CEP63: variants seen among roughly 807,000 people sequenced by gnomAD.
CEP63 encodes the protein centrosomal protein of 63 kDa.
CEP63 carries 84 observed loss-of-function variants against 89.1 expected under a neutral mutation model. That is an observed-to-expected ratio of 0.94 (90% CI 0.79 to 1.13). CEP63 has a LOEUF of 1.13. Among genes scored for constraint, CEP63 ranks in the 50% most tolerant of loss-of-function variants. The pLI, the probability that CEP63 is intolerant of heterozygous loss-of-function variation, is 0.00. For synonymous variants in CEP63, 267 were observed against 272.5 expected (o/e 0.98, Z 0.20); for missense variants, 838 against 813.3 (o/e 1.03, Z -0.37).
chr3:134,660,825 G>A, the CEP63 span, among the ~76,000 whole-genome samples: 4 of 152,176 alleles, frequency 2.6e-5, no homozygotes, highest in African/African-American at 9.7e-5. Flanking sequence ...GTCTCCACTA[G>A]TACAGTCCAT....
chr3:134,564,948 C>G lies in CEP63; in HGVS notation c.*3413C>G. The G allele has an allele frequency of 1.0e-6, 1 of 981,778 alleles. No individual in the cohort carries two copies. The highest frequency in any genetic ancestry group is 1.2e-6 in the Non-Finnish European group (1 of 826,638). 60.8% of individuals were successfully genotyped at this position (981,778 alleles called of 1,614,324 possible). On this transcript the variant is annotated 3_prime_UTR_variant, in exon 15 of 15. Coordinates refer to ENST00000675561, the MANE Select transcript of CEP63 (RefSeq NM_001353108.3). ...TAGTTAATGGGTTGTCCAAATTTGT[C>G]AGAACATTTGACTGTAATTTAATGT...
At chr3:134,660,351 A>C in the CEP63 span, among the ~76,000 whole-genome samples, 2 of 152,214 alleles carry the variant, frequency 1.3e-5, no homozygotes, top group Non-Finnish European at 2.9e-5. Flanking sequence ...GGTTCCTAAT[A>C]TGATATGCAA....
the CEP63 span, among the ~76,000 whole-genome samples, chr3:134,697,495 A>C: frequency 1.3e-5 from 2 of 152,296 alleles, no homozygotes; most frequent in East Asian, 3.9e-4. Context: ...ATCCCACTTT[A>C]GAAAGAGGTA....
At chr3:134,631,331 C>A in the CEP63 span, among the ~76,000 whole-genome samples, 1 of 152,036 alleles carries the variant, frequency 6.6e-6, no homozygotes, top group Non-Finnish European at 1.5e-5. Flanking sequence ...CAGTGAAAAG[C>A]GATGTAAAGC....
chr3:134,689,442 T>TTTTTTATTATTATTATTATTA, the CEP63 span, among the ~76,000 whole-genome samples: 1 of 96,432 alleles, frequency 1.0e-5, no homozygotes. Flanking sequence ...AAGGACCTTA[T>TTTTTTATTATTATTATTATTA]TTATTATTAT....
At chr3:134,662,643 G>A in the CEP63 span, among the ~76,000 whole-genome samples, 1 of 152,224 alleles carries the variant, frequency 6.6e-6, no homozygotes, top group African/African-American at 2.4e-5. Flanking sequence ...AAAACACAAA[G>A]AACAGGGCTA....
exon 12 of CEP63, chr3:134,574,847 A>G: frequency 1.6e-6 from 1 of 628,302 alleles, no homozygotes; most frequent in Non-Finnish European, 2.9e-6. Context: ...GATTCAAGCA[A>G]TCCGCCAGCC....
chr3:134,548,899 G>GT (rs1367177077), intron 9 of CEP63, among the ~76,000 whole-genome samples, 163 bp from the exon 10 acceptor site: 3 of 152,200 alleles, frequency 2.0e-5, no homozygotes, highest in South Asian at 4.1e-4. Flanking sequence ...TTTTATCACA[G>GT]TTTTTTTATT....
chr3:134,537,305 T>C (rs1950960225), intron 6 of CEP63, 37 bp downstream of exon 6: 1 of 1,371,276 alleles, frequency 7.3e-7, no homozygotes, highest in Non-Finnish European at 1.0e-6. Context: ...GAGAAGCAGA[T>C]AGGTTTTGAT....
At chr3:134,772,289 C>T in the CEP63 span, among the ~76,000 whole-genome samples, 2 of 152,122 alleles carry the variant, frequency 1.3e-5, no homozygotes, top group Non-Finnish European at 1.5e-5. Context: ...CTGTGCAGGG[C>T]TGGATTCTCT....
chr3:134,731,715 T>C, the CEP63 span, among the ~76,000 whole-genome samples: 1 of 152,174 alleles, frequency 6.6e-6, no homozygotes. Context: ...CCGAAAACTT[T>C]AAGTTAAAAA....
chr3:134,653,477 G>T, the CEP63 span, among the ~76,000 whole-genome samples: 10 of 152,134 alleles, frequency 6.6e-5, no homozygotes, highest in African/African-American at 2.4e-4. Context: ...CAGTCCAACA[G>T]CCTAGCTTCT....
chr3:134,493,260 A>G (rs982809337), intron 1 of CEP63, among the ~76,000 whole-genome samples: 13 of 151,948 alleles, frequency 8.6e-5, no homozygotes, highest in Non-Finnish European at 1.9e-4. Context: ...AACCTTAGAG[A>G]ATATTGTTCA....
chr3:134,687,290 G>T, the CEP63 span, among the ~76,000 whole-genome samples: 6 of 152,164 alleles, frequency 3.9e-5, no homozygotes, highest in Non-Finnish European at 7.3e-5. Flanking sequence ...TTTCTCAAAG[G>T]TTACTACTAC....
chr3:134,574,983 AT>A, exon 12 of CEP63: 1 of 406,064 alleles, frequency 2.5e-6, no homozygotes. Context: ...TACTGTTGGA[AT>A]TTTCAAATAA....
chr3:134,770,183 G>T, the CEP63 span, among the ~76,000 whole-genome samples: 1 of 152,234 alleles, frequency 6.6e-6, no homozygotes, highest in Non-Finnish European at 1.5e-5. Flanking sequence ...GCTGCCCACT[G>T]AAATCTCTTG....
chr3:134,543,208 ATTTAC>A (rs1254409220), intron 6 of CEP63, among the ~76,000 whole-genome samples: 2 of 152,170 alleles, frequency 1.3e-5, no homozygotes, highest in African/African-American at 4.8e-5. Flanking sequence ...ATATTACAAC[ATTTAC>A]TTTACATTTT....
At chr3:134,551,024 GAA>G (rs1954705343) in intron 11 of CEP63, among the ~76,000 whole-genome samples, 1 of 152,198 alleles carries the variant, frequency 6.6e-6, no homozygotes, top group African/African-American at 2.4e-5. Flanking sequence ...GCAACTGATG[GAA>G]AGTGATGCTT....
At chr3:134,628,091 C>T in the CEP63 span, 1 of 479,418 alleles carries the variant, frequency 2.1e-6, no homozygotes, top group Admixed American at 3.5e-5. Flanking sequence ...TCTGACCTAA[C>T]ACTTTGGGTG....
Sources: allele counts gnomAD v4.1 joint callset (sites outside exome capture counted in the v4.1 genomes callset), GRCh38; gene constraint gnomAD v4.1.1; transcripts MANE v1.5; gene names NCBI Gene and HGNC (gene_info 2026-07-23, HGNC 2026-07-21).